ZFP90: variants seen among roughly 807,000 people sequenced by gnomAD.
ZFP90 encodes ZFP90 zinc finger protein.
Under a neutral mutation model 60.8 loss-of-function variants are expected in ZFP90, and 38 were observed. The observed-to-expected ratio is 0.62, with a 90% CI of 0.48 to 0.82. The LOEUF (loss-of-function observed/expected upper bound fraction) is 0.82, where lower values mean the gene tolerates loss of function less well. Among genes scored for constraint, ZFP90 ranks in the 40% least tolerant of loss-of-function variants. The probability of loss-of-function intolerance (pLI) is 0.00; values close to 1 mark genes in which losing one functional copy is unlikely to be tolerated. For missense variants in ZFP90, 711 were observed against 759.1 expected, an observed-to-expected ratio of 0.94 and a Z score of 0.74; for synonymous variants, 287 against 264.8, an observed-to-expected ratio of 1.08 and a Z score of -0.82.
chr16:68,548,047 G>A (rs954404829), intron 2 of ZFP90, among the ~76,000 whole-genome samples: 3 of 152,020 alleles, frequency 2.0e-5, no homozygotes, highest in South Asian at 2.1e-4. Flanking sequence ...GGCTGGTCTC[G>A]AACTTCTGAC....
downstream of ZFP90, among the ~76,000 whole-genome samples, chr16:68,567,296 ATCTGTCATTCAAT>A (rs1273804353): frequency 6.6e-6 from 1 of 152,216 alleles, no homozygotes; most frequent in African/African-American, 2.4e-5. Context: ...GGTGTTTCAC[ATCTGTCATTCAAT>A]CCTTATAACT....
chr16:68,540,911 C>CT (rs34827177), intron 2 of ZFP90, among the ~76,000 whole-genome samples: 63,535 of 125,462 alleles, frequency 0.51, 17,960 homozygotes, highest in East Asian at 0.75. Flanking sequence ...TACATCATGC[C>CT]TTTTTTTTTT....
chr16:68,537,849 T>G (rs891339204), upstream of ZFP90, among the ~76,000 whole-genome samples: 3 of 152,180 alleles, frequency 2.0e-5, no homozygotes, highest in African/African-American at 7.2e-5. Context: ...TCATTACTTG[T>G]TAGCCCCTTG....
At chr16:68,569,178 C>G (rs1270900487), downstream of ZFP90, among the ~76,000 whole-genome samples, 1 of 132,212 alleles carries the variant, frequency 7.6e-6, no homozygotes, top group Non-Finnish European at 1.5e-5. Context: ...ACTCTGTCAC[C>G]CAAGCTGGAG....
chr16:68,534,884 G>A (rs1297729244), upstream of ZFP90, among the ~76,000 whole-genome samples: 1 of 152,042 alleles, frequency 6.6e-6, no homozygotes, highest in Non-Finnish European at 1.5e-5. Context: ...TCCAGCCTGG[G>A]TGACAGAGCA....
chr16:68,567,794 T>C (rs751799893), downstream of ZFP90, among the ~76,000 whole-genome samples: 9 of 152,228 alleles, frequency 5.9e-5, no homozygotes, highest in Non-Finnish European at 1.3e-4. Flanking sequence ...AAAATATGTA[T>C]GATATACTTT....
At chr16:68,539,969 C>A in intron 2 of ZFP90, 144 bp downstream of exon 2, 1 of 1,258,100 alleles carries the variant, frequency 7.9e-7, no homozygotes, top group Non-Finnish European at 1.1e-6. Context: ...CATGGAAAAC[C>A]CCAGGCTTTG....
At chr16:68,570,457 A>C (rs1411345163), downstream of ZFP90, among the ~76,000 whole-genome samples, 1 of 152,210 alleles carries the variant, frequency 6.6e-6, no homozygotes, top group East Asian at 1.9e-4. Context: ...ATTTATACCC[A>C]TTTTTAATTA....
chr16:68,576,294 T>C (rs1419388995), downstream of ZFP90, among the ~76,000 whole-genome samples: 1 of 152,162 alleles, frequency 6.6e-6, no homozygotes, highest in African/African-American at 2.4e-5. Context: ...CCTGACTCAG[T>C]GCAAACAGCC....
At chr16:68,557,938 G>A in intron 2 of ZFP90, 60 bp from the exon 3 acceptor site, 1 of 1,607,792 alleles carries the variant, frequency 6.2e-7, no homozygotes, top group Non-Finnish European at 8.5e-7. Context: ...TATGTTCCCA[G>A]CATTGCCTTA....
chr16:68,566,003 A>C lies in ZFP90; in HGVS notation c.*1305A>C. 1.3e-6 allele frequency: 1 copy of C among 748,920 alleles called. No individual in the cohort carries two copies. Among genetic ancestry groups the C allele is most frequent in the Non-Finnish European group, 1.6e-6 (1 of 614,200 alleles). The allele number at this position is 748,920 out of a possible 1,614,324, so 46.4% of individuals were successfully genotyped here. ...CCAAAAATTAGCTGGGCATGGTGGCATGCAGTGGTAGTCCCAGCTACTCAG... is the reference window on the plus strand; with the variant it reads ...CCAAAAATTAGCTGGGCATGGTGGCCTGCAGTGGTAGTCCCAGCTACTCAG... On this transcript the variant is annotated 3_prime_UTR_variant, in exon 5 of 5. Transcript: ENST00000563169.
At chr16:68,545,496 T>TAGGATGTC (rs1311050711) in intron 2 of ZFP90, among the ~76,000 whole-genome samples, 1 of 152,222 alleles carries the variant, frequency 6.6e-6, no homozygotes, top group Admixed American at 6.5e-5. Flanking sequence ...TTTAGGATGT[T>TAGGATGTC]AGGATGTCAA....
chr16:68,564,707 A>C lies in ZFP90; in HGVS notation c.*9A>C. 6.3e-7 allele frequency: 1 copy of C among 1,582,118 alleles called. No individual in the cohort carries two copies. The highest frequency in any genetic ancestry group is 8.6e-7 in the Non-Finnish European group (1 of 1,167,754). Reference sequence around the variant, plus strand: ...CTCGAAATAAACTCTAGGAACCGTGAAATTAAGGAATTTGCAGAATGCTTT... The same window carrying C: ...CTCGAAATAAACTCTAGGAACCGTGCAATTAAGGAATTTGCAGAATGCTTT... On this transcript the variant is annotated 3_prime_UTR_variant, in exon 5 of 5. Transcript: ENST00000563169.
chr16:68,572,717 C>A (rs2152078993), intron 2 of ZFP90, among the ~76,000 whole-genome samples: 1 of 152,334 alleles, frequency 6.6e-6, no homozygotes, highest in East Asian at 1.9e-4. Context: ...TTGGCATCTC[C>A]ATCTCCAGCA....
In ZFP90 at chr16:68,565,567, C is replaced by G; in HGVS notation, c.*869C>G. ...TCCCCTTTTCCCAGTTACAATTATA[C>G]TTTCAGCTAACATATGCCAGTTTCA... On this transcript the variant is annotated 3_prime_UTR_variant, in exon 5 of 5. Coordinates refer to ENST00000563169, the MANE Select transcript of ZFP90 (RefSeq NM_001305203.2). The G allele has an allele frequency of 2.0e-6, 2 of 985,556 alleles. No homozygotes were observed. The highest frequency in any genetic ancestry group is 2.4e-6 in the Non-Finnish European group (2 of 829,924). 61.1% of individuals were successfully genotyped at this position (985,556 alleles called of 1,614,324 possible).
intron 2 of ZFP90, among the ~76,000 whole-genome samples, chr16:68,547,520 A>G (rs1485654339): frequency 1.3e-5 from 2 of 152,046 alleles, no homozygotes; most frequent in African/African-American, 4.8e-5. Flanking sequence ...GTCATTTATG[A>G]TCCCTCTTCC....
chr16:68,536,294 T>G (rs950492403), upstream of ZFP90, among the ~76,000 whole-genome samples: 4 of 152,128 alleles, frequency 2.6e-5, no homozygotes, highest in African/African-American at 9.7e-5. Flanking sequence ...GAAGGCTTAC[T>G]CGTCTAAGGA....
At chr16:68,570,034 A>G (rs1463080795), downstream of ZFP90, among the ~76,000 whole-genome samples, 2 of 106,222 alleles carry the variant, frequency 1.9e-5, no homozygotes, top group East Asian at 5.7e-4. Context: ...ATCTCAAATT[A>G]TATGTGTGTG....
chr16:68,540,194 G>A (rs2091016538), intron 2 of ZFP90, among the ~76,000 whole-genome samples: 1 of 152,160 alleles, frequency 6.6e-6, no homozygotes, highest in Non-Finnish European at 1.5e-5. Flanking sequence ...CTGTCGGCAA[G>A]TGTGGAGAGA....
Sources: gnomAD v4.1 joint callset for allele counts (sites outside exome capture counted in the v4.1 genomes callset) on GRCh38, gnomAD v4.1.1 for gene constraint, MANE v1.5 for transcripts, NCBI Gene and HGNC (gene_info 2026-07-23, HGNC 2026-07-21) for gene names.